Variants in GARIN1A observed in about 807,000 individuals in gnomAD.
GARIN1A encodes the protein Golgi-associated RAB2 interactor protein 1A.
chr7:128,703,304 AC>A, the GARIN1A span, among the ~76,000 whole-genome samples: 1 of 152,232 alleles, frequency 6.6e-6, no homozygotes, highest in African/African-American at 2.4e-5. Context: ...CATAAAATAA[AC>A]CTCAACAAAT....
the GARIN1A span, among the ~76,000 whole-genome samples, chr7:128,673,122 G>A: frequency 2.0e-5 from 3 of 152,230 alleles, no homozygotes; most frequent in Middle Eastern, 3.4e-3. Flanking sequence ...TCCCTCTAGC[G>A]GTCTAGCCTG....
the GARIN1A span, chr7:128,683,998 G>A: frequency 1.3e-5 from 2 of 152,066 alleles, no homozygotes; most frequent in African/African-American, 2.4e-5. Flanking sequence ...GAACAGCAAG[G>A]AGGAAATCCA....
the GARIN1A span, chr7:128,691,778 G>A: frequency 9.2e-4 from 140 of 152,470 alleles, no homozygotes; most frequent in South Asian, 0.012. Flanking sequence ...GGTCTGGATC[G>A]GGACCCCTTT....
chr7:128,701,411 A>AG, the GARIN1A span, among the ~76,000 whole-genome samples: 1 of 6,508 alleles, frequency 1.5e-4, no homozygotes, highest in Non-Finnish European at 2.7e-4. Context: ...AGGGGAAGGG[A>AG]AGGGGAGGAG....
At chr7:128,685,930 C>T in the GARIN1A span, 1 of 152,154 alleles carries the variant, frequency 6.6e-6, no homozygotes, top group African/African-American at 2.4e-5. Context: ...AATAGTAACC[C>T]CAGGCCAGGC....
At chr7:128,704,796 G>C in the GARIN1A span, among the ~76,000 whole-genome samples, 2 of 152,222 alleles carry the variant, frequency 1.3e-5, no homozygotes, top group African/African-American at 4.8e-5. Context: ...ACCTCCTGCT[G>C]TGCGACCCGG....
chr7:128,708,425 G>A, the GARIN1A span, among the ~76,000 whole-genome samples: 1 of 151,970 alleles, frequency 6.6e-6, no homozygotes, highest in East Asian at 1.9e-4. Flanking sequence ...GTAATCCTTC[G>A]TCAAATCAGC....
chr7:128,675,832 G>A, the GARIN1A span: 2 of 1,613,598 alleles, frequency 1.2e-6, no homozygotes, highest in South Asian at 2.2e-5. Context: ...AGCACACCTG[G>A]TGACGCCCCA....
At chr7:128,672,649 AGGGGGGGG>A in the GARIN1A span, 1 of 122,760 alleles carries the variant, frequency 8.1e-6, no homozygotes, top group Non-Finnish European at 1.7e-5. Context: ...GCCCTGGGGG[AGGGGGGGG>A]CGGGGGGACA....
the GARIN1A span, among the ~76,000 whole-genome samples, chr7:128,692,795 T>C: frequency 6.6e-6 from 1 of 152,114 alleles, no homozygotes; most frequent in Non-Finnish European, 1.5e-5. Context: ...GCTGGGAGCA[T>C]GAATGTATAG....
chr7:128,671,913 T>G, the GARIN1A span, among the ~76,000 whole-genome samples: 1 of 152,126 alleles, frequency 6.6e-6, no homozygotes, highest in Non-Finnish European at 1.5e-5. Flanking sequence ...TTCCTATCCT[T>G]AGACTTCCCT....
chr7:128,680,169 A>G, the GARIN1A span: 1 of 1,427,076 alleles, frequency 7.0e-7, no homozygotes, highest in Non-Finnish European at 9.6e-7. Context: ...CTGTGGGGTC[A>G]GCTCCAGATC....
At chr7:128,702,814 T>TA in the GARIN1A span, among the ~76,000 whole-genome samples, 1 of 152,162 alleles carries the variant, frequency 6.6e-6, no homozygotes, top group Non-Finnish European at 1.5e-5. Context: ...AAATCTTTTT[T>TA]AAAAATGTAA....
the GARIN1A span, among the ~76,000 whole-genome samples, chr7:128,704,212 T>C: frequency 9.1e-6 from 1 of 110,212 alleles, no homozygotes; most frequent in Non-Finnish European, 1.7e-5. Flanking sequence ...AGACAGTCTT[T>C]CCACAGATGG....
chr7:128,675,320 A>G, the GARIN1A span, among the ~76,000 whole-genome samples: 5 of 151,926 alleles, frequency 3.3e-5, no homozygotes, highest in South Asian at 2.1e-4. Context: ...TCTTCACACA[A>G]TCTCCCTTTT....
the GARIN1A span, among the ~76,000 whole-genome samples, chr7:128,695,426 C>G: frequency 6.6e-6 from 1 of 152,236 alleles, no homozygotes; most frequent in Non-Finnish European, 1.5e-5. The surrounding 1 kb of genome is among the most constrained non-coding windows in gnomAD (Gnocchi z 4.5). Context: ...TGCATCTCCC[C>G]GGAATGGGGT....
At chr7:128,694,459 G>A in the GARIN1A span, among the ~76,000 whole-genome samples, 32 of 152,078 alleles carry the variant, frequency 2.1e-4, no homozygotes, top group East Asian at 1.5e-3. Flanking sequence ...GCTTGAACCC[G>A]GGAGGTAGAG....
the GARIN1A span, among the ~76,000 whole-genome samples, chr7:128,672,112 A>G: frequency 6.6e-6 from 1 of 152,116 alleles, no homozygotes; most frequent in African/African-American, 2.4e-5. Flanking sequence ...AATAGGCTGC[A>G]TTACTGCTGG....
the GARIN1A span, among the ~76,000 whole-genome samples, chr7:128,700,599 C>T: frequency 4.8e-4 from 73 of 152,218 alleles, no homozygotes; most frequent in African/African-American, 1.7e-3. Flanking sequence ...TTTTATTATT[C>T]TTTTAATACA....
Sources: allele counts gnomAD v4.1 joint callset (sites outside exome capture counted in the v4.1 genomes callset), GRCh38; gene constraint gnomAD v4.1.1; non-coding constraint Gnocchi (gnomAD v3.1); transcripts MANE v1.5; gene names NCBI Gene and HGNC (gene_info 2026-07-23, HGNC 2026-07-21).